AGBL1: variants seen among roughly 807,000 people sequenced by gnomAD.
AGBL1 encodes the protein cytosolic carboxypeptidase 4.
A neutral mutation model predicts 118.9 loss-of-function variants in AGBL1; 130 were observed. The ratio of observed to expected loss-of-function variants is 1.09; its 90% confidence interval spans 0.95 to 1.26. The LOEUF is 1.26. Among genes scored for constraint, AGBL1 ranks in the 50% most tolerant of loss-of-function variants. The probability of loss-of-function intolerance (pLI) is 0.00; values close to 1 mark genes in which losing one functional copy is unlikely to be tolerated. For synonymous variants in AGBL1, 555 were observed against 478.9 expected (o/e 1.16, Z -2.08); for missense variants, 1,584 against 1,298.1 (o/e 1.22, Z -3.38).
intron 17 of AGBL1, among the ~76,000 whole-genome samples, chr15:86,339,314 C>T (rs1395014693): frequency 7.2e-5 from 11 of 152,134 alleles, no homozygotes; most frequent in Admixed American, 7.2e-4. Flanking sequence ...ATAATATGTC[C>T]TGCTCTAGTT....
chr15:86,285,014 T>A (rs1242626086), intron 16 of AGBL1, among the ~76,000 whole-genome samples: 1 of 152,100 alleles, frequency 6.6e-6, no homozygotes, highest in African/African-American at 2.4e-5. Flanking sequence ...GTAATTACAG[T>A]CAGTTGGCAC....
Position 86,554,520 on chromosome 15 carries a change from A to C in AGBL1, c.2977A>C (p.Asn993His). 6.5e-7 allele frequency: 1 copy of C among 1,544,838 alleles called. No individual in the cohort carries two copies. The highest frequency in any genetic ancestry group is 8.7e-7 in the Non-Finnish European group (1 of 1,148,496). ...YTMESSYCGC[N>H]QGPYQGLQFG... The stretch of plus-strand genomic sequence containing the variant: ...CATGGAAAGCAGCTACTGTGGCTGC[A>C]ACCAGGGCCCTTATCAGGTATGTGA... Residue 993 changes from asparagine (N) to histidine (H), a missense_variant, in exon 21 of 23, where the codon AAC becomes CAC. By Grantham distance (68) the Asn-to-His change is moderately conservative (BLOSUM62 1). Transcript: ENST00000614907.
intron 3 of AGBL1, among the ~76,000 whole-genome samples, chr15:86,147,638 T>A (rs2077050665): frequency 6.6e-6 from 1 of 152,166 alleles, no homozygotes; most frequent in South Asian, 2.1e-4. Context: ...CCATAGCTCT[T>A]CAAGGCCTAC....
chr15:86,969,635 G>A (rs376830492), intron 23 of AGBL1, among the ~76,000 whole-genome samples: 2 of 152,020 alleles, frequency 1.3e-5, no homozygotes, highest in South Asian at 4.1e-4. Flanking sequence ...ATTTTAGTTT[G>A]TGTATTCATG....
At chr15:87,024,605 T>C (rs546089693) in intron 24 of AGBL1, among the ~76,000 whole-genome samples, 3 of 152,108 alleles carry the variant, frequency 2.0e-5, no homozygotes, top group Admixed American at 6.6e-5. Flanking sequence ...TTTCCCAAGA[T>C]GGAGAAAGAG....
chr15:87,019,482 A>C (rs1376575053), intron 24 of AGBL1, among the ~76,000 whole-genome samples: 3 of 151,990 alleles, frequency 2.0e-5, no homozygotes, highest in Non-Finnish European at 2.9e-5. Flanking sequence ...TTAAAACTAT[A>C]TAACTACATG....
chr15:86,908,610 T>C lies in AGBL1; in HGVS notation c.*1316T>C, dbSNP rs1475065457. On this transcript the variant is annotated 3_prime_UTR_variant, in exon 23 of 23. Transcript: ENST00000614907. Reference sequence around the variant, plus strand: ...TACTGGAAGGGAGCTGGGAAGGAGATTACAGAGGAGCAGAATCTAGGAGGC... The same window carrying C: ...TACTGGAAGGGAGCTGGGAAGGAGACTACAGAGGAGCAGAATCTAGGAGGC... The C allele has an allele frequency of 6.6e-6, 1 of 151,804 alleles. No homozygotes were observed. The highest frequency in any genetic ancestry group is 2.4e-5 in the African/African-American group (1 of 41,292). The allele number at this position is 151,804 out of a possible 1,614,324, so 9.4% of individuals were successfully genotyped here.
At chr15:86,755,409 GGT>G (rs2077921466) in intron 22 of AGBL1, among the ~76,000 whole-genome samples, 1 of 152,114 alleles carries the variant, frequency 6.6e-6, no homozygotes, top group South Asian at 2.1e-4. Flanking sequence ...TTCTGTGTTA[GGT>G]TTAGAGTGGT....
intron 21 of AGBL1, among the ~76,000 whole-genome samples, chr15:86,606,266 T>C (rs865921646): frequency 6.6e-6 from 1 of 152,104 alleles, no homozygotes; most frequent in Admixed American, 6.5e-5. Context: ...AATGGCATAT[T>C]TGGGGGAGTG....
chr15:86,827,215 T>C (rs2079023284), intron 22 of AGBL1, among the ~76,000 whole-genome samples: 1 of 142,284 alleles, frequency 7.0e-6, no homozygotes, highest in Non-Finnish European at 1.5e-5. Flanking sequence ...TTCTCTAGAG[T>C]TGGGGTATAA....
intron 22 of AGBL1, among the ~76,000 whole-genome samples, chr15:86,893,990 A>G (rs1045593862): frequency 6.6e-6 from 1 of 152,126 alleles, no homozygotes; most frequent in Non-Finnish European, 1.5e-5. Flanking sequence ...CAAACCCACA[A>G]TTACTTATCT....
intron 21 of AGBL1, among the ~76,000 whole-genome samples, chr15:86,573,982 T>G (rs996693406): frequency 1.3e-5 from 2 of 152,140 alleles, no homozygotes; most frequent in Non-Finnish European, 2.9e-5. Flanking sequence ...ACAAAACATT[T>G]TCATAAACTT....
chr15:86,415,426 C>CT (rs1361405980), intron 18 of AGBL1, among the ~76,000 whole-genome samples: 1 of 152,012 alleles, frequency 6.6e-6, no homozygotes, highest in Non-Finnish European at 1.5e-5. Flanking sequence ...AAGTAATGAC[C>CT]TTTTTAATAA....
At chr15:86,158,794 T>A in intron 4 of AGBL1, 139 bp from the exon 5 acceptor site, 1 of 670,986 alleles carries the variant, frequency 1.5e-6, no homozygotes, top group Non-Finnish European at 2.6e-6. Flanking sequence ...TAGAGGAATG[T>A]GCAACCAGGG....
At chr15:86,595,772 G>C (rs1230785704) in intron 21 of AGBL1, among the ~76,000 whole-genome samples, 2 of 152,088 alleles carry the variant, frequency 1.3e-5, no homozygotes, top group Non-Finnish European at 2.9e-5. Context: ...ACTCAAATCA[G>C]CCTCCCCAAG....
chr15:86,776,079 T>C (rs907267275), intron 22 of AGBL1, among the ~76,000 whole-genome samples: 3 of 152,166 alleles, frequency 2.0e-5, no homozygotes, highest in Admixed American at 2.0e-4. Flanking sequence ...TCAGTGGTCA[T>C]CAATCATTTT....
chr15:86,504,723 A>G (rs2082954830), intron 18 of AGBL1, among the ~76,000 whole-genome samples: 1 of 151,698 alleles, frequency 6.6e-6, no homozygotes, highest in Admixed American at 6.6e-5. Flanking sequence ...ATCATATAAA[A>G]TACGTCTTCA....
intron 2 of AGBL1, among the ~76,000 whole-genome samples, chr15:86,143,100 C>T (rs183144790): frequency 1.3e-5 from 2 of 152,158 alleles, no homozygotes; most frequent in African/African-American, 4.8e-5. Context: ...CAAAATTGTA[C>T]TTAGGTAGAA....
At chr15:86,761,974 G>A (rs1314980375) in intron 22 of AGBL1, among the ~76,000 whole-genome samples, 16 of 151,994 alleles carry the variant, frequency 1.1e-4, no homozygotes, top group South Asian at 2.1e-4. Flanking sequence ...TGGGTTTTAC[G>A]TTTAAGTCTT....
Sources: gnomAD v4.1 joint callset for allele counts (sites outside exome capture counted in the v4.1 genomes callset) on GRCh38, gnomAD v4.1.1 for gene constraint, MANE v1.5 for transcripts, NCBI Gene and HGNC (gene_info 2026-07-23, HGNC 2026-07-21) for gene names.